RAG1: variants seen among roughly 807,000 people sequenced by gnomAD.
RAG1 encodes recombination activating 1.
Under a neutral mutation model 62.7 loss-of-function variants are expected in RAG1, and 35 were observed. That is an observed-to-expected ratio of 0.56 (90% CI 0.43 to 0.74). The LOEUF is 0.74. Ranked by LOEUF, RAG1 falls within the 30% of genes least tolerant of loss-of-function variation. The pLI is 0.00. For missense variants in RAG1, 1,169 were observed against 1,278.6 expected (o/e 0.91, Z 1.31); for synonymous variants, 461 against 470.3 (o/e 0.98, Z 0.26).
chr11:36,521,582 C>T (rs1860081037), intron 2 of RAG1, among the ~76,000 whole-genome samples: 1 of 152,084 alleles, frequency 6.6e-6, no homozygotes, highest in Admixed American at 6.6e-5. Context: ...AGGACTATTA[C>T]AGTAAATTGG....
upstream of RAG1, chr11:36,566,302 A>C: frequency 6.6e-6 from 1 of 152,268 alleles, no homozygotes; most frequent in East Asian, 1.9e-4. Context: ...TGCTAAACCA[A>C]GGAAAGTCCA....
upstream of RAG1, among the ~76,000 whole-genome samples, chr11:36,564,773 C>CAA (rs2133283896): frequency 6.6e-6 from 1 of 152,314 alleles, no homozygotes; most frequent in East Asian, 1.9e-4. Context: ...TGTCTCTCCG[C>CAA]CGCCAGTGCA....
chr11:36,543,048 G>A (rs1250118803), intron 3 of RAG1, among the ~76,000 whole-genome samples: 1 of 152,084 alleles, frequency 6.6e-6, no homozygotes, highest in Non-Finnish European at 1.5e-5. Context: ...ATTTGAACGA[G>A]TCACTACTGA....
intron 2 of RAG1, among the ~76,000 whole-genome samples, chr11:36,532,569 A>G (rs753374875): frequency 1.3e-5 from 2 of 152,320 alleles, no homozygotes; most frequent in Non-Finnish European, 1.5e-5. Context: ...TCAGTTATCC[A>G]TGATTAACCG....
intron 1 of RAG1, among the ~76,000 whole-genome samples, chr11:36,519,157 ATT>A (rs113578374): frequency 6.6e-6 from 1 of 151,390 alleles, no homozygotes; most frequent in African/African-American, 2.4e-5. Flanking sequence ...GACCATTTAC[ATT>A]TTTTTTTGTT....
chr11:36,576,149 A>G lies in RAG1; in HGVS notation c.2845A>G (p.Ile949Val). 5.0e-6 allele frequency: 8 copies of G among 1,614,070 alleles called. No individual in the cohort carries two copies. The highest frequency in any genetic ancestry group is 5.9e-6 in the Non-Finnish European group (7 of 1,180,020). The stretch of plus-strand genomic sequence containing the variant: ...CAAAACCCTGGCCCATGTTCCTGAA[A>G]TTATTGAGAGGGATGGCTCCATTGG... Reference protein sequence around the residue: ...FHKTLAHVPEIIERDGSIGAW... With the variant: ...FHKTLAHVPEVIERDGSIGAW... Residue 949 changes from isoleucine to valine, a missense_variant, in exon 2 of 2, where the codon ATT (isoleucine) becomes GTT (valine). Ile to Val is a conservative substitution (Grantham distance 29). Coordinates refer to ENST00000299440, the MANE Select transcript of RAG1 (RefSeq NM_000448.3).
upstream of RAG1, among the ~76,000 whole-genome samples, chr11:36,566,975 T>C (rs1850670444): frequency 6.6e-6 from 1 of 152,216 alleles, no homozygotes; most frequent in African/African-American, 2.4e-5. Context: ...TCTCACTTAT[T>C]AGCTGAACAC....
At chr11:36,512,169 G>A (rs1323277353) in intron 1 of RAG1, among the ~76,000 whole-genome samples, 1 of 152,184 alleles carries the variant, frequency 6.6e-6, no homozygotes, top group Non-Finnish European at 1.5e-5. Context: ...ATCAGGCAGG[G>A]CCACGTGACT....
intron 3 of RAG1, among the ~76,000 whole-genome samples, chr11:36,549,681 T>A (rs1850453779): frequency 6.6e-6 from 1 of 152,202 alleles, no homozygotes; most frequent in African/African-American, 2.4e-5. Context: ...GTAAATTAGT[T>A]CAACTGTTGT....
chr11:36,522,031 A>G (rs1364014158), intron 2 of RAG1, among the ~76,000 whole-genome samples: 1 of 152,156 alleles, frequency 6.6e-6, no homozygotes, highest in Non-Finnish European at 1.5e-5. Flanking sequence ...GCAGAGCATA[A>G]AAGTTTGGAA....
chr11:36,570,338 T>C (rs1564987072), intron 1 of RAG1, among the ~76,000 whole-genome samples: 1 of 152,216 alleles, frequency 6.6e-6, no homozygotes, highest in Non-Finnish European at 1.5e-5. Context: ...TATAAGTAGT[T>C]TTAATCTTTG....
intron 3 of RAG1, among the ~76,000 whole-genome samples, chr11:36,542,032 T>C (rs1850312508): frequency 6.6e-6 from 1 of 152,178 alleles, no homozygotes; most frequent in African/African-American, 2.4e-5. Flanking sequence ...TGGGTGTGCC[T>C]GCCTATCAGA....
Position 36,531,060 on chromosome 11 carries a change from GTT to G in RAG1, n.429-4891_429-4890del, listed in dbSNP as rs35275143. The stretch of plus-strand genomic sequence containing the variant: ...GTTGCATCATCTTGATAGATTAAGG[GTT>G]TTTTTTTGCATTATATAAGCTCCCT... On this transcript the variant is annotated intron_variant and non_coding_transcript_variant, in intron 2 of 2. Coordinates refer to the RAG1 transcript ENST00000529126. 4.0e-5 allele frequency among the ~76,000 whole-genome samples: 6 copies of G among 151,622 alleles called. 1 individual carries two copies. Among genetic ancestry groups the G allele is most frequent in the South Asian group, 4.2e-4 (2 of 4,794 alleles).
intron 1 of RAG1, among the ~76,000 whole-genome samples, chr11:36,569,856 A>G (rs1850712963): frequency 6.6e-6 from 1 of 152,208 alleles, no homozygotes; most frequent in African/African-American, 2.4e-5. Flanking sequence ...ATGTACAAAT[A>G]CAAACGTATC....
chr11:36,563,712 ATAAT>A (rs774053998), upstream of RAG1, among the ~76,000 whole-genome samples: 1 of 152,218 alleles, frequency 6.6e-6, no homozygotes, highest in Non-Finnish European at 1.5e-5. Flanking sequence ...TAGTTTAAAC[ATAAT>A]TAAATTAAAT....
downstream of RAG1, among the ~76,000 whole-genome samples, chr11:36,540,273 C>G (rs1415867011): frequency 6.6e-6 from 1 of 152,200 alleles, no homozygotes; most frequent in African/African-American, 2.4e-5. Context: ...TCTGAGACAA[C>G]CTGCTACAGC....
At chr11:36,564,775 G>A (rs537399529), upstream of RAG1, among the ~76,000 whole-genome samples, 3 of 152,328 alleles carry the variant, frequency 2.0e-5, no homozygotes, top group South Asian at 4.1e-4. Context: ...TCTCTCCGCC[G>A]CCAGTGCAGG....
At chr11:36,536,763 T>G (rs1039782752), downstream of RAG1, among the ~76,000 whole-genome samples, 8 of 151,410 alleles carry the variant, frequency 5.3e-5, no homozygotes, top group Admixed American at 3.9e-4. Context: ...TACTTATGTA[T>G]TTATTTATTT....
upstream of RAG1, chr11:36,563,573 T>A (rs934492846): frequency 6.0e-5 from 9 of 150,924 alleles, no homozygotes; most frequent in Non-Finnish European, 1.3e-4. Flanking sequence ...AAAATGATGC[T>A]CCTTTTCCAT....
Sources: allele counts gnomAD v4.1 joint callset (sites outside exome capture counted in the v4.1 genomes callset), GRCh38; gene constraint gnomAD v4.1.1; transcripts MANE v1.5; gene names NCBI Gene and HGNC (gene_info 2026-07-23, HGNC 2026-07-21).